Variants in XRRA1 observed in about 807,000 individuals in gnomAD.
XRRA1 encodes the protein X-ray radiation resistance-associated protein 1.
In XRRA1, 69 loss-of-function variants were observed where a neutral mutation model predicts 80.2. The observed-to-expected ratio is 0.86, with a 90% confidence interval of 0.71 to 1.05. The LOEUF (loss-of-function observed/expected upper bound fraction) is 1.05. Among genes scored for constraint, XRRA1 ranks in the 50% least tolerant of loss-of-function variants. The pLI, the probability that XRRA1 is intolerant of heterozygous loss-of-function variation, is 0.00. For missense variants in XRRA1, 967 were observed against 976.4 expected (o/e 0.99, Z 0.13); for synonymous variants, 348 against 389.9 (o/e 0.89, Z 1.27).
At chr11:74,844,089 G>T in intron 17 of XRRA1, 79 bp downstream of exon 17, 1 of 1,487,528 alleles carries the variant, frequency 6.7e-7, no homozygotes, top group Non-Finnish European at 9.4e-7. Context: ...CCCTCAGAGG[G>T]TCCCAAGGTG....
intron 10 of XRRA1, chr11:74,864,032 A>C (rs2042871359): frequency 1.3e-5 from 2 of 152,232 alleles, no homozygotes. Flanking sequence ...TTACACAAAA[A>C]GACTGAATAA....
At chr11:74,848,902 G>C (rs1033874856) in intron 14 of XRRA1, among the ~76,000 whole-genome samples, 2 of 152,256 alleles carry the variant, frequency 1.3e-5, no homozygotes, top group African/African-American at 4.8e-5. Flanking sequence ...ACTCCGAGGA[G>C]AGGGTGTTGG....
Position 74,940,661 on chromosome 11 carries a change from G to C in XRRA1, c.94+124C>G, listed in dbSNP as rs1370689817. 1.4e-5 allele frequency: 11 copies of C among 761,328 alleles called. No homozygotes were observed. In the African/African-American group the frequency reaches 1.7e-4, roughly 12 times the overall value. 47.2% of individuals were successfully genotyped at this position (761,328 alleles called of 1,614,324 possible). A position where few individuals can be genotyped will look rare whatever the true frequency, so the allele number is the denominator to read the frequency against. ...CCCATGGAGGCTACTAGGACTGGAG[G>C]GGGAAGGATTAGGTAGAGCAGGGAA... On this transcript the variant is annotated intron_variant, in intron 3 of 18. Coordinates refer to ENST00000684022, the MANE Select transcript of XRRA1 (RefSeq NM_001378157.1).
At chr11:74,890,453 A>G (rs1262711821) in intron 10 of XRRA1, among the ~76,000 whole-genome samples, 1 of 152,258 alleles carries the variant, frequency 6.6e-6, no homozygotes, top group Non-Finnish European at 1.5e-5. Context: ...AAAGCAGGAA[A>G]TATCTAAAAT....
chr11:74,866,697 T>G (rs1227692019), intron 10 of XRRA1, among the ~76,000 whole-genome samples: 1 of 134,160 alleles, frequency 7.5e-6, no homozygotes, highest in African/African-American at 2.7e-5. Context: ...TTGAAAAATA[T>G]AATGAATGAA....
rs763840100 is a variant in XRRA1, at chr11:74,844,208, A to G, written c.2003T>C (p.Leu668Pro). ...AACATAGGGTTTCTGAAGAGTGTCC[A>G]GCTTGGGCTTGGAGGAGTGGCACAG... ...PLLCHSSKPK[L>P]DTLQKPYVHK... The change falls in exon 17 of 19, where the codon CTG becomes CCG. Residue 668 changes from leucine to proline, a missense_variant. Physicochemically the swap from Leu to Pro is moderately conservative, Grantham distance 98. Coordinates refer to ENST00000684022, the MANE Select transcript of XRRA1 (RefSeq NM_001378157.1). 1.2e-6 allele frequency: 2 copies of G among 1,613,932 alleles called. No homozygotes were observed. Among genetic ancestry groups the G allele is most frequent in the Admixed American group, 3.3e-5 (2 of 60,022 alleles).
In XRRA1 at chr11:74,843,279, C is replaced by T; in HGVS notation, c.2324G>A (p.Ser775Asn). The part of the protein sequence containing the change: ...LPMACPALSE[S>N]QPKFGHFLEF... ...GAGGAAGTGGCCGAACTTGGGCTGG[C>T]TCTCACTCAGCGCTGGGCAGGCCAT... The change falls in exon 19 of 19, where the codon AGC becomes AAC. Residue 775 changes from serine (S) to asparagine (N), a missense_variant. Physicochemically the swap from Ser to Asn is conservative, Grantham distance 46. Transcript: ENST00000684022. 6.3e-7 allele frequency: 1 copy of T among 1,587,150 alleles called. No homozygotes were observed. Among genetic ancestry groups the T allele is most frequent in the Non-Finnish European group, 8.6e-7 (1 of 1,167,080 alleles).
Position 74,863,027 on chromosome 11 carries a change from A to C in XRRA1, c.1004-6T>G. The C allele has an allele frequency of 6.2e-7, 1 of 1,600,510 alleles. No homozygotes were observed. Among genetic ancestry groups the C allele is most frequent in the African/African-American group, 1.3e-5 (1 of 74,828 alleles). ...GTAAGATGAAAACACAACCTCTGAA[A>C]CAGAAGAGAAACAGAATGAAGGTTG... On this transcript the variant is annotated splice_polypyrimidine_tract_variant and splice_region_variant and intron_variant, in intron 10 of 18. Coordinates refer to ENST00000684022, the MANE Select transcript of XRRA1 (RefSeq NM_001378157.1).
intron 10 of XRRA1, among the ~76,000 whole-genome samples, chr11:74,879,676 G>C (rs1354080184): frequency 1.6e-4 from 24 of 151,776 alleles, no homozygotes; most frequent in Non-Finnish European, 3.1e-4. Flanking sequence ...TAGCATGGAG[G>C]GTTGTTGAAT....
chr11:74,943,738 T>C (rs1026679430), intron 2 of XRRA1, among the ~76,000 whole-genome samples: 4 of 152,180 alleles, frequency 2.6e-5, no homozygotes, highest in Admixed American at 2.6e-4. Flanking sequence ...AGCAACTAAT[T>C]TGCCATTTTA....
At chr11:74,871,702 G>A (rs1199694147) in intron 10 of XRRA1, among the ~76,000 whole-genome samples, 1 of 152,032 alleles carries the variant, frequency 6.6e-6, no homozygotes, top group African/African-American at 2.4e-5. Context: ...CACTCCCCCA[G>A]CTTCACTCTT....
intron 10 of XRRA1, among the ~76,000 whole-genome samples, chr11:74,889,234 A>C (rs1356645149): frequency 6.6e-6 from 1 of 152,162 alleles, no homozygotes; most frequent in Non-Finnish European, 1.5e-5. Flanking sequence ...GCCAGAAGAG[A>C]GTGGGGGCCA....
intron 8 of XRRA1, among the ~76,000 whole-genome samples, chr11:74,920,571 T>C (rs1341685878): frequency 6.6e-6 from 1 of 152,174 alleles, no homozygotes; most frequent in Non-Finnish European, 1.5e-5. Context: ...GTACAGAATC[T>C]ACATGAGAAT....
chr11:74,852,081 A>G lies in XRRA1; in HGVS notation c.1172T>C (p.Ile391Thr). ...LRYLSLAYNK[I>T]AKEDAVLPVA... Reference sequence around the variant, plus strand: ...TGGTAGGACAGCATCCTCTTTTGCGATCTGTAATGAATGCAGGAGAGACTC... The same window carrying G: ...TGGTAGGACAGCATCCTCTTTTGCGGTCTGTAATGAATGCAGGAGAGACTC... Residue 391 changes from isoleucine (I) to threonine (T), a missense_variant and splice_region_variant, in exon 13 of 19, where the codon ATC becomes ACC. Coordinates refer to ENST00000684022, the MANE Select transcript of XRRA1 (RefSeq NM_001378157.1). The G allele has an allele frequency of 6.2e-7, 1 of 1,613,386 alleles. No homozygotes were observed.
intron 7 of XRRA1, among the ~76,000 whole-genome samples, chr11:74,925,864 A>G (rs2139178858): frequency 6.6e-6 from 1 of 152,292 alleles, no homozygotes; most frequent in Non-Finnish European, 1.5e-5. Flanking sequence ...ACAGGAGCTC[A>G]ATGACTACTC....
intron 10 of XRRA1, among the ~76,000 whole-genome samples, chr11:74,875,209 C>G (rs1434450936): frequency 1.3e-5 from 2 of 152,136 alleles, no homozygotes; most frequent in African/African-American, 2.4e-5. Context: ...CAGAAGGGAG[C>G]AGATGAAGTA....
At chr11:74,892,286 C>G (rs1025314864) in intron 10 of XRRA1, among the ~76,000 whole-genome samples, 6 of 152,048 alleles carry the variant, frequency 3.9e-5, no homozygotes, top group African/African-American at 1.2e-4. Flanking sequence ...ACAAACCTGA[C>G]AAAAACAAGA....
intron 10 of XRRA1, among the ~76,000 whole-genome samples, chr11:74,896,674 G>C (rs2052400484): frequency 1.3e-5 from 2 of 152,146 alleles, no homozygotes; most frequent in African/African-American, 2.4e-5. Context: ...CCAGTGGTGG[G>C]GGCCACAGGG....
intron 15 of XRRA1, among the ~76,000 whole-genome samples, chr11:74,847,855 A>C (rs2038708158): frequency 6.6e-6 from 1 of 152,214 alleles, no homozygotes. Flanking sequence ...ATCACACCCC[A>C]GTCAGACCCC....
Sources: gnomAD v4.1 joint callset for allele counts (sites outside exome capture counted in the v4.1 genomes callset) on GRCh38, gnomAD v4.1.1 for gene constraint, MANE v1.5 for transcripts, NCBI Gene and HGNC (gene_info 2026-07-23, HGNC 2026-07-21) for gene names.